Variants in CAMKMT observed in about 807,000 individuals in gnomAD.
CAMKMT encodes the protein CaM KMT.
CAMKMT carries 53 observed loss-of-function variants against 48.0 expected under a neutral mutation model. That is an observed-to-expected ratio of 1.10 (90% CI 0.89 to 1.39). The LOEUF is 1.39. CAMKMT is among the 40% of genes most tolerant of loss of function. The pLI, the probability that CAMKMT is intolerant of heterozygous loss-of-function variation, is 0.00. For missense variants in CAMKMT, 428 were observed against 402.7 expected, an observed-to-expected ratio of 1.06 and a Z score of -0.54; for synonymous variants, 165 against 152.3, an observed-to-expected ratio of 1.08 and a Z score of -0.61.
At chr2:44,655,967 G>T (rs1385676505) in intron 3 of CAMKMT, among the ~76,000 whole-genome samples, 1 of 152,136 alleles carries the variant, frequency 6.6e-6, no homozygotes, top group Non-Finnish European at 1.5e-5. Flanking sequence ...AGGTCAGAAG[G>T]CTTTCCGTTC....
At chr2:44,480,998 AT>A (rs1668939597) in intron 3 of CAMKMT, among the ~76,000 whole-genome samples, 1 of 151,858 alleles carries the variant, frequency 6.6e-6, no homozygotes, top group African/African-American at 2.4e-5. Flanking sequence ...TATCATCCAT[AT>A]TATGTGTGTG....
At chr2:44,689,264 T>TATTTATTTA (rs1553438289) in intron 3 of CAMKMT, among the ~76,000 whole-genome samples, 1 of 136,208 alleles carries the variant, frequency 7.3e-6, no homozygotes, top group African/African-American at 2.8e-5. Context: ...CAGCACTATT[T>TATTTATTTA]TTTATTTATT....
chr2:44,576,804 A>G (rs1175300593), intron 3 of CAMKMT, among the ~76,000 whole-genome samples: 2 of 152,222 alleles, frequency 1.3e-5, no homozygotes, highest in Non-Finnish European at 2.9e-5. Flanking sequence ...GCACAGTTTT[A>G]AAAATGCAAC....
At chr2:44,706,378 A>T (rs1319135389) in intron 5 of CAMKMT, 37 bp downstream of exon 5, 1 of 1,604,366 alleles carries the variant, frequency 6.2e-7, no homozygotes. Context: ...ATTCAGAGGG[A>T]GGAACAAAAG....
chr2:44,386,611 G>T (rs1335278303), intron 2 of CAMKMT, among the ~76,000 whole-genome samples: 1 of 152,026 alleles, frequency 6.6e-6, no homozygotes, highest in Non-Finnish European at 1.5e-5. Context: ...ACCTTAGACT[G>T]TCAGTTTGTG....
At chr2:44,739,704 G>T (rs889049996) in intron 7 of CAMKMT, among the ~76,000 whole-genome samples, 1 of 152,198 alleles carries the variant, frequency 6.6e-6, no homozygotes, top group African/African-American at 2.4e-5. Flanking sequence ...GAACGGTGGG[G>T]ACAAAAGCCT....
chr2:44,603,235 G>C (rs1242669768), intron 3 of CAMKMT, among the ~76,000 whole-genome samples: 12 of 151,598 alleles, frequency 7.9e-5, no homozygotes, highest in Non-Finnish European at 1.8e-4. Flanking sequence ...ATTACGACAT[G>C]TGCCACCACA....
In CAMKMT at chr2:44,445,645, GTTTTTTTTTTTTTTTTTTTTTTTTTTTTT is replaced by G. The variant is rs869258613; in HGVS notation, c.376+55360_376+55388del. Among the ~76,000 whole-genome samples, 154 of 101,430 alleles carry G rather than the reference GTTTTTTTTTTTTTTTTTTTTTTTTTTTTT, an allele frequency of 1.5e-3. 4 individuals carry two copies. In the East Asian group the frequency reaches 0.042, roughly 28 times the overall value. The allele number at this position is 101,430 out of a possible 152,430, so 66.5% of individuals were successfully genotyped here. ...AGTCCAACATGTCGGCAAAAGGGTAGTTTTTTTTTTTTTTTTTTTTTTTTTTTTTTTTTTTTTTTTTTTTTTTTACCAGT... is the reference window on the plus strand; with the variant it reads ...AGTCCAACATGTCGGCAAAAGGGTAGTTTTTTTTTTTTTTTTTTTACCAGT... On this transcript the variant is annotated intron_variant, in intron 3 of 10. Transcript: ENST00000378494.
At chr2:44,430,431 AC>A (rs973295522) in intron 3 of CAMKMT, among the ~76,000 whole-genome samples, 14 of 151,650 alleles carry the variant, frequency 9.2e-5, no homozygotes, top group Admixed American at 4.0e-4. Flanking sequence ...CAGTGGACAA[AC>A]AATGCCTAAG....
intron 7 of CAMKMT, among the ~76,000 whole-genome samples, chr2:44,740,546 G>A (rs1002803293): frequency 6.6e-6 from 1 of 152,122 alleles, no homozygotes; most frequent in Admixed American, 6.5e-5. Flanking sequence ...TAATGACCTA[G>A]GATAGTGGGA....
Position 44,465,595 on chromosome 2 carries a change from A to G in CAMKMT, c.376+75290A>G, listed in dbSNP as rs1301030634. On this transcript the variant is annotated intron_variant, in intron 3 of 10. Coordinates refer to ENST00000378494, the MANE Select transcript of CAMKMT (RefSeq NM_024766.5). ...AAAAAAAAAAAAAAATCAATGAAAC[A>G]TAAAGGGAGACAGCAAGAGAGAAAA... Among the ~76,000 whole-genome samples, 3 of 152,038 alleles carry G rather than the reference A, an allele frequency of 2.0e-5. No individual in the cohort carries two copies. In the South Asian group the frequency reaches 6.2e-4, roughly 32 times the overall value.
At chr2:44,562,502 C>T (rs1389311375) in intron 3 of CAMKMT, among the ~76,000 whole-genome samples, 1 of 152,130 alleles carries the variant, frequency 6.6e-6, no homozygotes, top group Admixed American at 6.6e-5. Flanking sequence ...GAAACCAAGG[C>T]TTAGAGAGGT....
chr2:44,731,358 A>G (rs916414799), intron 7 of CAMKMT, among the ~76,000 whole-genome samples: 5 of 152,146 alleles, frequency 3.3e-5, no homozygotes, highest in African/African-American at 4.8e-5. Flanking sequence ...AAACAAACAA[A>G]AAACAGGACT....
At chr2:44,705,064 T>C (rs1677476769) in intron 4 of CAMKMT, among the ~76,000 whole-genome samples, 1 of 152,186 alleles carries the variant, frequency 6.6e-6, no homozygotes, top group South Asian at 2.1e-4. Flanking sequence ...TAGCTCATTA[T>C]GATAGCAGAT....
chr2:44,437,523 A>T (rs1291903252), intron 3 of CAMKMT, among the ~76,000 whole-genome samples: 1 of 140,970 alleles, frequency 7.1e-6, no homozygotes, highest in Non-Finnish European at 1.5e-5. Flanking sequence ...TTTTTCTTCA[A>T]GCCATAAGCC....
At chr2:44,571,500 A>T (rs936171655) in intron 3 of CAMKMT, among the ~76,000 whole-genome samples, 10 of 152,222 alleles carry the variant, frequency 6.6e-5, no homozygotes, top group African/African-American at 2.4e-4. Context: ...ATACTTTTTT[A>T]AATTAATGTA....
rs1174344846 is a variant in CAMKMT at position 44,627,697 on chromosome 2, C to CTTTTTT, written c.377-76561_377-76556dup. ...TTATTTATAATGGTCCCATTTTATC[C>CTTTTTT]TTTTTTTTTTTTTTTTTTTTTTTTT... On this transcript the variant is annotated intron_variant, in intron 3 of 10. Coordinates refer to ENST00000378494, the MANE Select transcript of CAMKMT (RefSeq NM_024766.5). Among the ~76,000 whole-genome samples the CTTTTTT allele has an allele frequency of 1.2e-3, 92 of 75,100 alleles. 9 individuals carry two copies. Among genetic ancestry groups the CTTTTTT allele is most frequent in the South Asian group, 1.9e-3 (3 of 1,608 alleles). The allele number at this position is 75,100 out of a possible 152,430, so 49.3% of individuals were successfully genotyped here. A position where few individuals can be genotyped will look rare whatever the true frequency, so the allele number is the denominator to read the frequency against.
At chr2:44,678,040 T>G (rs1675812102) in intron 3 of CAMKMT, among the ~76,000 whole-genome samples, 1 of 151,980 alleles carries the variant, frequency 6.6e-6, no homozygotes, top group Non-Finnish European at 1.5e-5. Context: ...TACAATACAG[T>G]TTTTTCAATA....
chr2:44,429,495 T>G (rs1326592362), intron 3 of CAMKMT, among the ~76,000 whole-genome samples: 1 of 152,160 alleles, frequency 6.6e-6, no homozygotes, highest in Non-Finnish European at 1.5e-5. Context: ...ATAATGGAGC[T>G]ACTAATGACT....
Sources: allele counts gnomAD v4.1 joint callset (sites outside exome capture counted in the v4.1 genomes callset), GRCh38; gene constraint gnomAD v4.1.1; transcripts MANE v1.5; gene names NCBI Gene and HGNC (gene_info 2026-07-23, HGNC 2026-07-21).